Variants in UST observed in about 807,000 individuals in gnomAD.
UST encodes chondroitin sulfate 2-O-sulfotransferase.
UST carries 21 observed loss-of-function variants against 45.6 expected under a neutral mutation model. The observed-to-expected ratio is 0.46, with a 90% CI of 0.33 to 0.66. The LOEUF is 0.66. UST is among the 30% of genes least tolerant of loss of function. The pLI, the probability that UST is intolerant of heterozygous loss-of-function variation, is 0.02. For missense variants in UST, 463 were observed against 512.4 expected, an observed-to-expected ratio of 0.90 and a Z score of 0.93; for synonymous variants, 215 against 200.6, an observed-to-expected ratio of 1.07 and a Z score of -0.61.
At chr6:148,950,235 C>T (rs1780339428) in intron 3 of UST, among the ~76,000 whole-genome samples, 1 of 152,178 alleles carries the variant, frequency 6.6e-6, no homozygotes, top group Non-Finnish European at 1.5e-5. Flanking sequence ...GGGGCGGATC[C>T]TGAGAATTTG....
chr6:148,752,238 A>G (rs989504176), intron 1 of UST, among the ~76,000 whole-genome samples: 1 of 152,214 alleles, frequency 6.6e-6, no homozygotes, highest in Non-Finnish European at 1.5e-5. Flanking sequence ...AGAGGTCCAT[A>G]TCTGTTACAA....
intron 2 of UST, among the ~76,000 whole-genome samples, chr6:148,940,487 T>C (rs1006811702): frequency 2.0e-5 from 3 of 152,076 alleles, no homozygotes; most frequent in African/African-American, 7.2e-5. Context: ...AGTGAGACCC[T>C]GTCTAAAAAA....
intron 1 of UST, among the ~76,000 whole-genome samples, chr6:148,755,540 C>T (rs562155699): frequency 6.6e-6 from 1 of 152,198 alleles, no homozygotes; most frequent in East Asian, 1.9e-4. Context: ...CCCATAATCC[C>T]CACATGTTGT....
chr6:148,778,923 C>T lies in UST; in HGVS notation c.247+31246C>T, dbSNP rs77292549. ...ATTGCATTGGTTGAGCGTATCACCC[C>T]TCTCTTCCCTCTGTTTTCCATCCTC... On this transcript the variant is annotated intron_variant, in intron 1 of 7. Transcript: ENST00000367463. 3.5e-3 allele frequency among the ~76,000 whole-genome samples: 532 copies of T among 152,236 alleles called. 1 individual carries two copies. Among genetic ancestry groups the T allele is most frequent in the African/African-American group, 0.012 (489 of 41,522 alleles).
intron 5 of UST, among the ~76,000 whole-genome samples, chr6:148,975,972 G>A (rs1781007799): frequency 6.6e-6 from 1 of 152,070 alleles, no homozygotes; most frequent in Admixed American, 6.5e-5. Flanking sequence ...TTCACAAAAA[G>A]GCATTATAGG....
intron 2 of UST, among the ~76,000 whole-genome samples, chr6:148,904,833 T>C (rs1215280152): frequency 6.6e-6 from 1 of 152,204 alleles, no homozygotes; most frequent in Non-Finnish European, 1.5e-5. Context: ...TAGTAATTTT[T>C]GGTTCTTGTC....
At chr6:148,901,965 A>G (rs1779267698) in intron 2 of UST, among the ~76,000 whole-genome samples, 1 of 152,126 alleles carries the variant, frequency 6.6e-6, no homozygotes, top group Non-Finnish European at 1.5e-5. Flanking sequence ...CTGAGCATTG[A>G]CTATCTCTGC....
At chr6:149,004,376 C>T (rs1435997980) in intron 5 of UST, among the ~76,000 whole-genome samples, 1 of 152,210 alleles carries the variant, frequency 6.6e-6, no homozygotes, top group African/African-American at 2.4e-5. Context: ...TGAGATCAGA[C>T]TTCCTGGACC....
rs377083219 is a variant in UST at position 148,896,300 on chromosome 6, A to G, written c.291+9271A>G. On this transcript the variant is annotated intron_variant, in intron 2 of 7. Coordinates refer to ENST00000367463, the MANE Select transcript of UST (RefSeq NM_005715.3). ...CCTCAAAGCCTATTTTTCAGGATAT[A>G]GACATGCCCATCCACCTGGTTTTCC... is the stretch of plus-strand genomic sequence containing the variant. Among the ~76,000 whole-genome samples the G allele has an allele frequency of 3.9e-5, 6 of 152,366 alleles. No individual in the cohort carries two copies. The South Asian group carries it at 1.2e-3, about 32-fold the overall frequency.
chr6:148,864,341 A>T (rs768484712), intron 1 of UST, among the ~76,000 whole-genome samples: 3 of 152,244 alleles, frequency 2.0e-5, no homozygotes, highest in Non-Finnish European at 2.9e-5. Context: ...CCATTTGCTA[A>T]GACCATTGGA....
intron 7 of UST, among the ~76,000 whole-genome samples, chr6:149,070,849 C>T (rs946832722): frequency 6.6e-6 from 1 of 152,152 alleles, no homozygotes; most frequent in Non-Finnish European, 1.5e-5. Flanking sequence ...CTCACTGCAA[C>T]CTCTGCCTCC....
At chr6:148,805,971 A>G (rs1018052490) in intron 1 of UST, among the ~76,000 whole-genome samples, 5 of 152,204 alleles carry the variant, frequency 3.3e-5, no homozygotes, top group Non-Finnish European at 5.9e-5. Context: ...TTACAGATGT[A>G]CTAGAGCTTA....
chr6:149,004,068 A>T (rs111383256), intron 5 of UST, among the ~76,000 whole-genome samples: 20 of 152,330 alleles, frequency 1.3e-4, no homozygotes, highest in African/African-American at 4.8e-4. Flanking sequence ...TAGAAAATAG[A>T]TCATAGTATT....
chr6:148,848,510 A>C (rs1477125967), intron 1 of UST, among the ~76,000 whole-genome samples: 1 of 152,048 alleles, frequency 6.6e-6, no homozygotes, highest in Non-Finnish European at 1.5e-5. Context: ...GTCTCTACTA[A>C]GAATACAAAA....
At chr6:148,858,796 C>A (rs1252056674) in intron 1 of UST, among the ~76,000 whole-genome samples, 1 of 152,158 alleles carries the variant, frequency 6.6e-6, no homozygotes, top group Admixed American at 6.5e-5. Flanking sequence ...TCGTTTCCAG[C>A]TTCATCCATG....
intron 1 of UST, among the ~76,000 whole-genome samples, chr6:148,797,730 A>G (rs1168749897): frequency 6.6e-6 from 1 of 152,208 alleles, no homozygotes; most frequent in Non-Finnish European, 1.5e-5. Flanking sequence ...TTTGAAAGAC[A>G]ACGAGGAGTT....
chr6:148,846,421 G>A (rs950321772), intron 1 of UST, among the ~76,000 whole-genome samples: 11 of 151,954 alleles, frequency 7.2e-5, no homozygotes, highest in Non-Finnish European at 1.3e-4. Flanking sequence ...CGTAGGAAGC[G>A]GAACATCACA....
intron 1 of UST, among the ~76,000 whole-genome samples, chr6:148,822,688 T>C (rs1444989546): frequency 6.6e-6 from 1 of 152,200 alleles, no homozygotes; most frequent in African/African-American, 2.4e-5. Flanking sequence ...TCTTCAATGA[T>C]ACAAACAAAC....
rs184141862 is a variant in UST at position 148,797,113 on chromosome 6, G to A, written c.247+49436G>A. Among the ~76,000 whole-genome samples the A allele has an allele frequency of 5.9e-5, 9 of 152,116 alleles. No individual in the cohort carries two copies. In the East Asian group the frequency reaches 9.7e-4, roughly 16 times the overall value. ...CAACCTTCTCCGATAATTCTTAATA[G>A]TTTAGAAAGCACTGTCAGCTGGGTG... On this transcript the variant is annotated intron_variant, in intron 1 of 7. Transcript: ENST00000367463.
Sources: gnomAD v4.1 joint callset for allele counts (sites outside exome capture counted in the v4.1 genomes callset) on GRCh38, gnomAD v4.1.1 for gene constraint, MANE v1.5 for transcripts, NCBI Gene and HGNC (gene_info 2026-07-23, HGNC 2026-07-21) for gene names.